The following CTNNA3 variants were observed in gnomAD, a reference collection of about 807,000 sequenced individuals.
The protein encoded by CTNNA3 is catenin alpha-3.
CTNNA3 carries 76 observed loss-of-function variants against 95.7 expected under a neutral mutation model. The ratio of observed to expected loss-of-function variants is 0.79; its 90% confidence interval spans 0.66 to 0.96. The LOEUF (loss-of-function observed/expected upper bound fraction) is 0.96, where lower values mean the gene tolerates loss of function less well. CTNNA3 is among the 40% of genes least tolerant of loss of function. The pLI, the probability that CTNNA3 is intolerant of heterozygous loss-of-function variation, is 0.00. For synonymous variants in CTNNA3, 431 were observed against 374.4 expected (o/e 1.15, Z -1.74); for missense variants, 1,191 against 1,089.8 (o/e 1.09, Z -1.31).
rs199618410 is a variant in CTNNA3 at position 67,429,582 on chromosome 10, ATTAT to A, written c.579+92256_579+92259del. 3.0e-3 allele frequency among the ~76,000 whole-genome samples: 454 copies of A among 152,184 alleles called. 15 individuals are homozygous for A. Among genetic ancestry groups the A allele is most frequent in the Admixed American group, 0.021 (315 of 15,248 alleles). On this transcript the variant is annotated intron_variant, in intron 5 of 17. Coordinates refer to ENST00000433211, the MANE Select transcript of CTNNA3 (RefSeq NM_013266.4). ...AGCAACATTCCAAAATAGTCTGATCATTATTTATTTCCATTTGTATTTGCTAGAA... is the reference window on the plus strand; with the variant it reads ...AGCAACATTCCAAAATAGTCTGATCATTATTTCCATTTGTATTTGCTAGAA...
At chr10:66,695,134 T>A (rs987394468) in intron 9 of CTNNA3, among the ~76,000 whole-genome samples, 1 of 152,214 alleles carries the variant, frequency 6.6e-6, no homozygotes, top group Non-Finnish European at 1.5e-5. Flanking sequence ...GCCAGAGATA[T>A]TTCAAGGGAT....
chr10:67,701,133 C>T (rs1479062861), upstream of CTNNA3, among the ~76,000 whole-genome samples: 1 of 152,080 alleles, frequency 6.6e-6, no homozygotes, highest in African/African-American at 2.4e-5. Flanking sequence ...TGTGAAAAGA[C>T]CAAATCTACG....
intron 5 of CTNNA3, among the ~76,000 whole-genome samples, chr10:67,293,624 G>A (rs941152163): frequency 5.9e-5 from 9 of 151,394 alleles, no homozygotes; most frequent in East Asian, 1.9e-4. Context: ...CCATTAACTC[G>A]TCATTTAACA....
In CTNNA3 at chr10:66,806,287, GTGTGTA is replaced by G. The variant is rs756912162; in HGVS notation, c.1048-30769_1048-30764del. On this transcript the variant is annotated intron_variant, in intron 7 of 17. Coordinates refer to ENST00000433211, the MANE Select transcript of CTNNA3 (RefSeq NM_013266.4). Reference sequence around the variant, plus strand: ...TGTGTGTGTGTGTGTGTGTGTGTGTGTGTGTATATATACTCATTTAATAATGGCAAA... The same window carrying G: ...TGTGTGTGTGTGTGTGTGTGTGTGTGTATATACTCATTTAATAATGGCAAA... Among the ~76,000 whole-genome samples, 247 of 147,850 alleles carry G rather than the reference GTGTGTA, an allele frequency of 1.7e-3. 2 individuals carry two copies. The highest frequency in any genetic ancestry group is 3.4e-3 in the Admixed American group (50 of 14,742).
At chr10:66,059,415 G>A (rs2080151119) in intron 15 of CTNNA3, among the ~76,000 whole-genome samples, 1 of 152,104 alleles carries the variant, frequency 6.6e-6, no homozygotes, top group Admixed American at 6.6e-5. Flanking sequence ...AGATGCCTGA[G>A]TATAAGTAGA....
intron 15 of CTNNA3, among the ~76,000 whole-genome samples, chr10:66,000,206 A>G (rs923537490): frequency 6.6e-5 from 10 of 152,120 alleles, no homozygotes; most frequent in Admixed American, 6.6e-4. Flanking sequence ...ATCTTTGAAA[A>G]TTTATTGGCT....
intron 7 of CTNNA3, among the ~76,000 whole-genome samples, chr10:67,160,708 T>G (rs1020028927): frequency 6.6e-6 from 1 of 152,158 alleles, no homozygotes. Flanking sequence ...AGTGCTGGGA[T>G]TACAGGTGTG....
At chr10:66,450,398 C>T (rs1052230025) in intron 11 of CTNNA3, among the ~76,000 whole-genome samples, 1 of 152,026 alleles carries the variant, frequency 6.6e-6, no homozygotes, top group Admixed American at 6.6e-5. Flanking sequence ...GTTCTGTTTC[C>T]CTTGTATAAT....
intron 5 of CTNNA3, among the ~76,000 whole-genome samples, chr10:67,421,013 T>C (rs1201011512): frequency 6.6e-6 from 1 of 152,172 alleles, no homozygotes; most frequent in Non-Finnish European, 1.5e-5. Flanking sequence ...CTCTTCTTTA[T>C]AATGAAATAA....
At chr10:66,959,602 A>G (rs924202078) in intron 7 of CTNNA3, among the ~76,000 whole-genome samples, 1 of 152,146 alleles carries the variant, frequency 6.6e-6, no homozygotes, top group African/African-American at 2.4e-5. Context: ...GTGAAAGTAG[A>G]TGATTTCTAC....
chr10:66,169,739 A>C (rs2085320010), intron 13 of CTNNA3, among the ~76,000 whole-genome samples: 1 of 152,126 alleles, frequency 6.6e-6, no homozygotes, highest in Non-Finnish European at 1.5e-5. Flanking sequence ...ATGGTATTGC[A>C]TTATGGTTTT....
At chr10:66,101,910 T>G (rs1346581206) in intron 14 of CTNNA3, among the ~76,000 whole-genome samples, 1 of 152,202 alleles carries the variant, frequency 6.6e-6, no homozygotes, top group Non-Finnish European at 1.5e-5. Flanking sequence ...TTGTTTTTTC[T>G]TCTTCAAATC....
intron 7 of CTNNA3, among the ~76,000 whole-genome samples, chr10:66,847,177 T>G (rs1843312050): frequency 6.6e-6 from 1 of 152,234 alleles, no homozygotes; most frequent in Admixed American, 6.5e-5. Flanking sequence ...TGTTATTTCA[T>G]TTTTGAAAGC....
chr10:67,030,948 G>A (rs965888680), intron 7 of CTNNA3, among the ~76,000 whole-genome samples: 2 of 152,106 alleles, frequency 1.3e-5, no homozygotes, highest in African/African-American at 2.4e-5. Context: ...AGGTTGCAGT[G>A]AGCCGAGATT....
chr10:66,713,440 T>C (rs1848356552), intron 9 of CTNNA3, among the ~76,000 whole-genome samples: 1 of 152,096 alleles, frequency 6.6e-6, no homozygotes. Context: ...CCTTTTTTTG[T>C]TGTTTGGTTT....
chr10:66,065,489 T>C (rs897604718), intron 15 of CTNNA3, among the ~76,000 whole-genome samples: 22 of 152,162 alleles, frequency 1.4e-4, no homozygotes, highest in Non-Finnish European at 2.4e-4. Flanking sequence ...ATAAGGTTTT[T>C]TTCCATTCAC....
intron 15 of CTNNA3, among the ~76,000 whole-genome samples, chr10:66,000,124 A>G (rs1244310951): frequency 6.6e-6 from 1 of 152,196 alleles, no homozygotes; most frequent in Non-Finnish European, 1.5e-5. Flanking sequence ...GTTAGAAAGT[A>G]TAATGAAAAA....
intron 12 of CTNNA3, among the ~76,000 whole-genome samples, chr10:66,312,043 T>C (rs925701606): frequency 6.6e-6 from 1 of 152,220 alleles, no homozygotes; most frequent in Non-Finnish European, 1.5e-5. Flanking sequence ...ATTAAGGGTG[T>C]GCCTAAGAGC....
At chr10:66,445,259 T>C (rs964392352) in intron 11 of CTNNA3, among the ~76,000 whole-genome samples, 1 of 151,872 alleles carries the variant, frequency 6.6e-6, no homozygotes, top group African/African-American at 2.4e-5. Flanking sequence ...ATTAGACAGA[T>C]TAACGAGACA....
Sources: gnomAD v4.1 joint callset for allele counts (sites outside exome capture counted in the v4.1 genomes callset) on GRCh38, gnomAD v4.1.1 for gene constraint, MANE v1.5 for transcripts, NCBI Gene and HGNC (gene_info 2026-07-23, HGNC 2026-07-21) for gene names.